The following NAV2 variants were observed in gnomAD, a reference collection of about 807,000 sequenced individuals.
The protein encoded by NAV2 is neuron navigator 2, also known as helicase, APC down-regulated 1.
In NAV2, 54 loss-of-function variants were observed where a neutral mutation model predicts 223.2. That is an observed-to-expected ratio of 0.24 (90% CI 0.19 to 0.30). The LOEUF (loss-of-function observed/expected upper bound fraction) is 0.30. Ranked by LOEUF, NAV2 falls within the 10% of genes least tolerant of loss-of-function variation. The pLI, the probability that NAV2 is intolerant of heterozygous loss-of-function variation, is 1.00. For synonymous variants in NAV2, 1,279 were observed against 1,239.3 expected (o/e 1.03, Z -0.67); for missense variants, 2,806 against 3,147.5 (o/e 0.89, Z 2.60).
At chr11:19,666,403 A>G (rs960056713) in intron 1 of NAV2, among the ~76,000 whole-genome samples, 8 of 152,154 alleles carry the variant, frequency 5.3e-5, no homozygotes, top group African/African-American at 1.4e-4. Flanking sequence ...CTACCCAGCC[A>G]GGTGTTCTTG....
intron 1 of NAV2, among the ~76,000 whole-genome samples, chr11:19,512,843 A>G (rs2043321957): frequency 6.6e-6 from 1 of 152,258 alleles, no homozygotes; most frequent in Non-Finnish European, 1.5e-5. Flanking sequence ...TGCATTTTGC[A>G]ATAACTGAAT....
chr11:19,476,482 C>G (rs1200971650), intron 1 of NAV2, among the ~76,000 whole-genome samples: 2 of 151,986 alleles, frequency 1.3e-5, no homozygotes, highest in Non-Finnish European at 2.9e-5. Context: ...AGTTTTTTAC[C>G]AACTGATCTG....
intron 1 of NAV2, among the ~76,000 whole-genome samples, chr11:19,423,073 A>G (rs1850683183): frequency 6.6e-6 from 1 of 152,256 alleles, no homozygotes; most frequent in Non-Finnish European, 1.5e-5. Context: ...TAATATATGC[A>G]GGATATTTAC....
chr11:19,524,897 G>T (rs572128076), intron 1 of NAV2, among the ~76,000 whole-genome samples: 3 of 152,256 alleles, frequency 2.0e-5, no homozygotes, highest in East Asian at 3.9e-4. Flanking sequence ...AACAGACACA[G>T]CTTCGTGTTT....
At chr11:19,501,799 T>C (rs2042970690) in intron 1 of NAV2, among the ~76,000 whole-genome samples, 1 of 152,010 alleles carries the variant, frequency 6.6e-6, no homozygotes, top group Admixed American at 6.6e-5. Flanking sequence ...ACTTCATGAA[T>C]AAGAAATGAG....
At position 20,068,407 on chromosome 11, in the gene NAV2, A is replaced by C; in HGVS notation, c.4983+9A>C. ...CCCAGCTGACAGCAAATGTAAGTACAGACATAGGGCAGTAGCATCGGGACA... is the reference window on the plus strand; with the variant it reads ...CCCAGCTGACAGCAAATGTAAGTACCGACATAGGGCAGTAGCATCGGGACA... On this transcript the variant is annotated intron_variant, in intron 22 of 37. Coordinates refer to ENST00000349880, the MANE Select transcript of NAV2 (RefSeq NM_145117.5). 1 of 1,609,018 alleles carries C rather than the reference A, an allele frequency of 6.2e-7. No homozygotes were observed. Among genetic ancestry groups the C allele is most frequent in the Non-Finnish European group, 8.5e-7 (1 of 1,175,444 alleles).
chr11:19,606,589 G>A (rs1590663208), intron 1 of NAV2, among the ~76,000 whole-genome samples: 1 of 152,088 alleles, frequency 6.6e-6, no homozygotes, highest in Admixed American at 6.6e-5. Context: ...TTCCAAGCAG[G>A]CACTCAATGT....
At chr11:19,893,228 A>G (rs2041666302) in intron 6 of NAV2, among the ~76,000 whole-genome samples, 1 of 151,990 alleles carries the variant, frequency 6.6e-6, no homozygotes, top group Non-Finnish European at 1.5e-5. Context: ...GCTGCCCAGA[A>G]TGTAGTAAAA....
rs768940120 is a variant in NAV2 at position 20,045,398 on chromosome 11, C to T, written c.3630C>T (p.Ser1210=). 9 of 1,614,182 alleles carry T rather than the reference C, an allele frequency of 5.6e-6. No individual in the cohort carries two copies. The highest frequency in any genetic ancestry group is 7.6e-6 in the Non-Finnish European group (9 of 1,180,032). Reference sequence around the variant, plus strand: ...GGAACGGGGCTGGGAACAGGTCTAGCACCAGCAGCATAGATTCCAACATTA... The same window carrying T: ...GGAACGGGGCTGGGAACAGGTCTAGTACCAGCAGCATAGATTCCAACATTA... The part of the protein sequence containing the change: ...NSRNGAGNRS[S]TSSIDSNISS... Residue 1210 remains serine (S), a synonymous_variant, in exon 14 of 38, where the codon AGC becomes AGT. Transcript: ENST00000349880.
Position 19,934,138 on chromosome 11 carries a change from A to G in NAV2, c.1894A>G (p.Ser632Gly), listed in dbSNP as rs911922529. The G allele has an allele frequency of 2.5e-6, 4 of 1,614,042 alleles. No individual in the cohort carries two copies. Among genetic ancestry groups the G allele is most frequent in the Non-Finnish European group, 3.4e-6 (4 of 1,180,034 alleles). ...CCCAGGAGGGACCACCCTGAACCAC[A>G]GCATCAGCAGCCAGACTGTCAGTGG... Reference protein sequence around the residue: ...KGPGGTTLNHSISSQTVSGSV... With the variant: ...KGPGGTTLNHGISSQTVSGSV... Residue 632 changes from serine (S) to glycine (G), a missense_variant, in exon 7 of 38, where the codon AGC (serine) becomes GGC (glycine). Physicochemically the swap from Ser to Gly is moderately conservative, Grantham distance 56. This residue lies in a region of NAV2 where 1,167 missense variants were observed against 1,180.5 expected (regional missense o/e 0.99). Transcript: ENST00000349880.
chr11:20,115,835 C>A (rs2063043969), intron 37 of NAV2, among the ~76,000 whole-genome samples: 1 of 152,106 alleles, frequency 6.6e-6, no homozygotes, highest in Non-Finnish European at 1.5e-5. Flanking sequence ...AGGGCTTGAG[C>A]CTGGGAGGCA....
intron 10 of NAV2, among the ~76,000 whole-genome samples, chr11:19,966,814 C>G (rs1308120081): frequency 6.6e-6 from 1 of 152,152 alleles, no homozygotes; most frequent in Admixed American, 6.5e-5. Flanking sequence ...TAGTTTGTCC[C>G]CCAGGCCAGA....
At chr11:19,663,365 A>G (rs1438333452) in intron 1 of NAV2, among the ~76,000 whole-genome samples, 1 of 152,202 alleles carries the variant, frequency 6.6e-6, no homozygotes, top group Admixed American at 6.5e-5. Context: ...CCACAACCCC[A>G]TGAATTAGAC....
chr11:19,893,815 C>A (rs1047789381), intron 6 of NAV2, among the ~76,000 whole-genome samples: 1 of 152,206 alleles, frequency 6.6e-6, no homozygotes, highest in Non-Finnish European at 1.5e-5. Flanking sequence ...TCTCTCTCTC[C>A]TTTCCTGCTT....
chr11:20,001,233 C>T (rs1258139576), intron 11 of NAV2, among the ~76,000 whole-genome samples: 1 of 152,186 alleles, frequency 6.6e-6, no homozygotes, highest in Non-Finnish European at 1.5e-5. Context: ...GATTCAGCTC[C>T]AATGCCCACT....
intron 11 of NAV2, among the ~76,000 whole-genome samples, chr11:19,987,524 A>G (rs114622074): frequency 0.019 from 2,901 of 152,344 alleles, 107 homozygotes; most frequent in African/African-American, 0.066. Flanking sequence ...GCTGGGGAGA[A>G]CAGCTCTTCC....
intron 1 of NAV2, among the ~76,000 whole-genome samples, chr11:19,432,491 G>T (rs1047047850): frequency 2.0e-5 from 3 of 152,196 alleles, no homozygotes; most frequent in Non-Finnish European, 4.4e-5. Context: ...TAGAGAGTAT[G>T]TTGGGAAAAA....
chr11:19,694,769 C>T (rs1032485195), intron 1 of NAV2, among the ~76,000 whole-genome samples: 4 of 152,122 alleles, frequency 2.6e-5, no homozygotes, highest in African/African-American at 2.4e-5. Context: ...CCCAAGGGAC[C>T]AACAGCTATT....
intron 1 of NAV2, among the ~76,000 whole-genome samples, chr11:19,797,590 G>A (rs1590601250): frequency 1.3e-5 from 2 of 152,130 alleles, no homozygotes; most frequent in East Asian, 1.9e-4. Context: ...AGATACTCTG[G>A]TCATGACAGT....
Sources: gnomAD v4.1 joint callset for allele counts (sites outside exome capture counted in the v4.1 genomes callset) on GRCh38, gnomAD v4.1.1 for gene constraint, gnomAD v4.1.1 regional missense constraint, MANE v1.5 for transcripts, NCBI Gene and HGNC (gene_info 2026-07-23, HGNC 2026-07-21) for gene names.